ZNF626: variants seen among roughly 807,000 people sequenced by gnomAD.
The protein encoded by ZNF626 is zinc finger protein 626.
In ZNF626, 4 loss-of-function variants were observed where a neutral mutation model predicts 11.7. The ratio of observed to expected loss-of-function variants is 0.34; its 90% CI spans 0.17 to 0.78. The LOEUF is 0.78. Among genes scored for constraint, ZNF626 ranks in the 30% least tolerant of loss-of-function variants. The pLI is 0.57. For synonymous variants in ZNF626, 179 were observed against 198.6 expected (o/e 0.90, Z 0.83); for missense variants, 588 against 587.1 (o/e 1.00, Z -0.01).
intron 1 of ZNF626, among the ~76,000 whole-genome samples, chr19:20,654,606 G>A (rs1051829136): frequency 3.9e-5 from 6 of 152,004 alleles, no homozygotes; most frequent in Non-Finnish European, 8.8e-5. Context: ...CTACTCGGGA[G>A]GCTGAGGCAG....
At chr19:20,649,035 GTAC>G (rs1555772256) in intron 1 of ZNF626, among the ~76,000 whole-genome samples, 5 of 152,192 alleles carry the variant, frequency 3.3e-5, no homozygotes, top group African/African-American at 1.2e-4. Flanking sequence ...AGGTTTGTGA[GTAC>G]TAAACGCATG....
intron 3 of ZNF626, among the ~76,000 whole-genome samples, chr19:20,638,120 C>A (rs1251126310): frequency 1.3e-5 from 2 of 151,806 alleles, no homozygotes; most frequent in African/African-American, 2.4e-5. Context: ...CAGAGTGAGG[C>A]CCTATTTCAA....
intron 3 of ZNF626, among the ~76,000 whole-genome samples, chr19:20,627,316 G>C (rs1969848205): frequency 8.5e-6 from 1 of 117,460 alleles, no homozygotes; most frequent in Non-Finnish European, 1.7e-5. Flanking sequence ...AATGTAGGCA[G>C]ATGTAATGAT....
intron 3 of ZNF626, among the ~76,000 whole-genome samples, chr19:20,637,484 C>CAAAAAAAAAA (rs35325493): frequency 8.2e-6 from 1 of 121,818 alleles, no homozygotes. Flanking sequence ...CACTCTGTCT[C>CAAAAAAAAAA]AAAAAAAAAA....
chr19:20,624,729 T>C lies in ZNF626; in HGVS notation c.1148A>G (p.Asp383Gly). Residue 383 changes from aspartate (D) to glycine (G), a missense_variant, in exon 4 of 4, where the codon GAC becomes GGC. Asp to Gly is a moderately conservative substitution (Grantham distance 94). Transcript: ENST00000601440. ...ECGKAFKRSS[D>G]LTTHKIIHTG... Reference sequence around the variant, plus strand: ...ATGAATTATCTTATGCGTAGTAAGGTCTGAAGACCGCTTGAAGGCTTTGCC... The same window carrying C: ...ATGAATTATCTTATGCGTAGTAAGGCCTGAAGACCGCTTGAAGGCTTTGCC... 1 of 1,606,384 alleles carries C rather than the reference T, an allele frequency of 6.2e-7. No individual in the cohort carries two copies. Among genetic ancestry groups the C allele is most frequent in the Non-Finnish European group, 8.5e-7 (1 of 1,177,242 alleles).
intron 1 of ZNF626, among the ~76,000 whole-genome samples, chr19:20,657,195 T>C (rs1970213971): frequency 6.6e-6 from 1 of 151,512 alleles, no homozygotes; most frequent in Non-Finnish European, 1.5e-5. Flanking sequence ...CATGGCAAAA[T>C]CCTGTCTCCA....
At chr19:20,651,149 T>C (rs1337526444) in intron 1 of ZNF626, among the ~76,000 whole-genome samples, 1 of 145,020 alleles carries the variant, frequency 6.9e-6, no homozygotes, top group Non-Finnish European at 1.5e-5. Context: ...ATTGTGCCAC[T>C]GAACTCCAGC....
intron 3 of ZNF626, among the ~76,000 whole-genome samples, chr19:20,640,551 T>G (rs1318879245): frequency 6.6e-6 from 1 of 150,862 alleles, no homozygotes; most frequent in Non-Finnish European, 1.5e-5. Context: ...TAAACAATGA[T>G]GAATAACTTA....
At chr19:20,661,057 T>C (rs1970261844) in intron 1 of ZNF626, among the ~76,000 whole-genome samples, 2 of 152,232 alleles carry the variant, frequency 1.3e-5, no homozygotes, top group African/African-American at 2.4e-5. Flanking sequence ...ACATTTTTAA[T>C]AGGAGAAAAG....
Position 20,625,393 on chromosome 19 carries a change from C to A in ZNF626, c.484G>T (p.Gly162Ter). Reference sequence around the variant, plus strand: ...TTCCCAGTATGTCCTCTCTTTTGTCCGTTTGAATTTGGAAATTGATGAAGG... The same window carrying A: ...TTCCCAGTATGTCCTCTCTTTTGTCAGTTTGAATTTGGAAATTGATGAAGG... ...KVLHQFPNSN[G>*]QKRGHTGKKP... Residue 162 changes from glycine to a stop codon, truncating the protein, a stop_gained, in exon 4 of 4, where the codon GGA (glycine) becomes TGA (stop). Coordinates refer to ENST00000601440, the MANE Select transcript of ZNF626 (RefSeq NM_001076675.3). LOFTEE classifies it low-confidence loss of function (END_TRUNC). 6.2e-7 allele frequency: 1 copy of A among 1,613,958 alleles called. No individual in the cohort carries two copies. The highest frequency in any genetic ancestry group is 1.1e-5 in the South Asian group (1 of 91,060).
At chr19:20,626,063 C>A (rs1969828153) in intron 3 of ZNF626, among the ~76,000 whole-genome samples, 1 of 151,672 alleles carries the variant, frequency 6.6e-6, no homozygotes, top group Non-Finnish European at 1.5e-5. Flanking sequence ...GAGTTCAAGA[C>A]CATCTTGGCA....
At chr19:20,647,412 A>T (rs1970091701) in intron 1 of ZNF626, among the ~76,000 whole-genome samples, 1 of 152,166 alleles carries the variant, frequency 6.6e-6, no homozygotes, top group Non-Finnish European at 1.5e-5. Context: ...TAGTGAAAAA[A>T]ATATGTCCCA....
At chr19:20,645,228 T>G in intron 3 of ZNF626, 2 of 1,317,560 alleles carry the variant, frequency 1.5e-6, no homozygotes, top group Non-Finnish European at 1.9e-6. Flanking sequence ...AAAAACAGAA[T>G]GGACTGTGCA....
At chr19:20,656,937 A>G (rs1250842126) in intron 1 of ZNF626, among the ~76,000 whole-genome samples, 1 of 152,252 alleles carries the variant, frequency 6.6e-6, no homozygotes, top group Non-Finnish European at 1.5e-5. Context: ...CAGGAATCTC[A>G]TAATTGGGTA....
At chr19:20,643,068 C>A (rs1203098908) in intron 3 of ZNF626, among the ~76,000 whole-genome samples, 3 of 151,486 alleles carry the variant, frequency 2.0e-5, no homozygotes, top group Non-Finnish European at 4.4e-5. Context: ...GTATTATGTA[C>A]TCATCATATA....
chr19:20,640,912 C>G (rs952897836), intron 3 of ZNF626, among the ~76,000 whole-genome samples: 9 of 151,886 alleles, frequency 5.9e-5, no homozygotes, highest in Admixed American at 5.9e-4. Flanking sequence ...TTTGGGAGGC[C>G]AAGGTAGGGG....
chr19:20,625,916 A>G (rs1405523385), intron 3 of ZNF626, among the ~76,000 whole-genome samples: 4 of 152,200 alleles, frequency 2.6e-5, no homozygotes, highest in African/African-American at 9.6e-5. Context: ...AAAGTCTGTT[A>G]CTTATACACA....
rs1183917413 is a variant in ZNF626 at position 20,622,745 on chromosome 19, C to G, written c.*1545G>C. ...TGTGAATTCATTTATATACTCAACACTCTTATTTAATGTAATGTCTGAAGT... is the reference window on the plus strand; with the variant it reads ...TGTGAATTCATTTATATACTCAACAGTCTTATTTAATGTAATGTCTGAAGT... On this transcript the variant is annotated 3_prime_UTR_variant, in exon 4 of 4. Coordinates refer to ENST00000601440, the MANE Select transcript of ZNF626 (RefSeq NM_001076675.3). 1 of 152,118 alleles carries G rather than the reference C, an allele frequency of 6.6e-6. No individual in the cohort carries two copies. The highest frequency in any genetic ancestry group is 2.4e-5 in the African/African-American group (1 of 41,434). The allele number at this position is 152,118 out of a possible 1,614,324, so 9.4% of individuals were successfully genotyped here. A position where few individuals can be genotyped will look rare whatever the true frequency, so the allele number is the denominator to read the frequency against.
Position 20,646,320 on chromosome 19 carries a change from C to T in ZNF626, c.89G>A (p.Arg30Lys), listed in dbSNP as rs782245136. The change falls in exon 2 of 4, where the codon AGG becomes AAG. Residue 30 changes from arginine (R) to lysine (K), a missense_variant. Arg to Lys is a conservative substitution (Grantham distance 26, BLOSUM62 2). Transcript: ENST00000601440. ...CLDTAQRNLYRNVMLENYSNL... is the reference protein window; with the variant it reads ...CLDTAQRNLYKNVMLENYSNL... ...ACTGTAGTTCTCTAACATCACATTCCTATATAAATTCCGCTGTGCAGTGTC... is the reference window on the plus strand; with the variant it reads ...ACTGTAGTTCTCTAACATCACATTCTTATATAAATTCCGCTGTGCAGTGTC... 2.0e-5 allele frequency: 32 copies of T among 1,614,066 alleles called. No individual in the cohort carries two copies. The highest frequency in any genetic ancestry group is 2.6e-5 in the Non-Finnish European group (31 of 1,179,998).
Sources: allele counts gnomAD v4.1 joint callset (sites outside exome capture counted in the v4.1 genomes callset), GRCh38; gene constraint gnomAD v4.1.1; transcripts MANE v1.5; gene names NCBI Gene and HGNC (gene_info 2026-07-23, HGNC 2026-07-21).